Variants in KCTD8 observed in about 807,000 individuals in gnomAD.
The protein encoded by KCTD8 is potassium channel tetramerization domain containing 8.
Under a neutral mutation model 31.5 loss-of-function variants are expected in KCTD8, and 27 were observed. The observed-to-expected ratio is 0.86, with a 90% confidence interval of 0.63 to 1.18. KCTD8 has a LOEUF of 1.18. Among genes scored for constraint, KCTD8 ranks in the 50% most tolerant of loss-of-function variants. The probability of loss-of-function intolerance (pLI) is 0.00; values close to 1 mark genes in which losing one functional copy is unlikely to be tolerated. For missense variants in KCTD8, 658 were observed against 647.7 expected, an observed-to-expected ratio of 1.02 and a Z score of -0.17; for synonymous variants, 290 against 280.0, an observed-to-expected ratio of 1.04 and a Z score of -0.36.
At chr4:44,276,726 C>T (rs1716760854) in intron 1 of KCTD8, among the ~76,000 whole-genome samples, 1 of 151,900 alleles carries the variant, frequency 6.6e-6, no homozygotes, top group South Asian at 2.1e-4. Flanking sequence ...CAAATTTTAT[C>T]TCATACATTA....
chr4:44,350,622 G>A (rs1377427576), intron 1 of KCTD8, among the ~76,000 whole-genome samples: 1 of 151,948 alleles, frequency 6.6e-6, no homozygotes, highest in Admixed American at 6.6e-5. Flanking sequence ...ATGTTCTAAG[G>A]ATATCTTTTT....
chr4:44,314,870 G>T (rs1322100806), intron 1 of KCTD8, among the ~76,000 whole-genome samples: 1 of 139,880 alleles, frequency 7.1e-6, no homozygotes, highest in Non-Finnish European at 1.5e-5. Flanking sequence ...ATAATTCAAA[G>T]ACATTGTGAA....
intron 1 of KCTD8, among the ~76,000 whole-genome samples, chr4:44,376,532 G>T (rs930262578): frequency 6.6e-6 from 1 of 152,106 alleles, no homozygotes; most frequent in African/African-American, 2.4e-5. Flanking sequence ...TACTGTTGAT[G>T]TTTTCTACTG....
At chr4:44,410,738 G>C (rs1433027583) in intron 1 of KCTD8, among the ~76,000 whole-genome samples, 2 of 152,052 alleles carry the variant, frequency 1.3e-5, no homozygotes, top group Non-Finnish European at 2.9e-5. Context: ...ATAACTATCA[G>C]CTCTTGTGAG....
intron 1 of KCTD8, among the ~76,000 whole-genome samples, chr4:44,396,639 GA>G (rs575452723): frequency 1.3e-5 from 2 of 151,772 alleles, no homozygotes; most frequent in Admixed American, 1.3e-4. Context: ...TAACATCTAA[GA>G]AAAAAATCAG....
At chr4:44,198,426 C>A (rs1390975565) in intron 1 of KCTD8, among the ~76,000 whole-genome samples, 2 of 152,014 alleles carry the variant, frequency 1.3e-5, no homozygotes, top group African/African-American at 4.8e-5. Flanking sequence ...GGGTTACTTA[C>A]AAAGGGAAAC....
At chr4:44,270,997 G>A (rs954801127) in intron 1 of KCTD8, among the ~76,000 whole-genome samples, 1 of 151,788 alleles carries the variant, frequency 6.6e-6, no homozygotes, top group Non-Finnish European at 1.5e-5. Context: ...TTGACTACAT[G>A]GATTATTAAA....
chr4:44,255,214 C>A (rs934326052), intron 1 of KCTD8, among the ~76,000 whole-genome samples: 5 of 151,848 alleles, frequency 3.3e-5, no homozygotes, highest in African/African-American at 1.2e-4. Flanking sequence ...TCCAATATCT[C>A]AACTTAAGCA....
chr4:44,294,376 C>T (rs116659726), intron 1 of KCTD8, among the ~76,000 whole-genome samples: 1,960 of 152,200 alleles, frequency 0.013, 48 homozygotes, highest in African/African-American at 0.045. Context: ...ACATTCTGCC[C>T]AAAGATTTCA....
intron 1 of KCTD8, among the ~76,000 whole-genome samples, chr4:44,316,139 T>C (rs931893875): frequency 6.6e-6 from 1 of 152,116 alleles, no homozygotes; most frequent in African/African-American, 2.4e-5. Context: ...TCTGTCAAAT[T>C]TCCTTGATTT....
At chr4:44,397,989 T>C (rs969149486) in intron 1 of KCTD8, among the ~76,000 whole-genome samples, 4 of 152,196 alleles carry the variant, frequency 2.6e-5, no homozygotes, top group Non-Finnish European at 5.9e-5. Context: ...ACATCCTTTA[T>C]TGTTTAATGC....
chr4:44,416,919 A>G (rs1231015648), intron 1 of KCTD8, among the ~76,000 whole-genome samples: 2 of 152,226 alleles, frequency 1.3e-5, no homozygotes, highest in East Asian at 3.8e-4. Context: ...CTGTAACAAT[A>G]GAAAGATAAT....
chr4:44,319,931 G>C (rs1461129938), intron 1 of KCTD8, among the ~76,000 whole-genome samples: 1 of 151,912 alleles, frequency 6.6e-6, no homozygotes, highest in African/African-American at 2.4e-5. Context: ...CAGCACGTTG[G>C]GAGGCCAAGG....
intron 1 of KCTD8, among the ~76,000 whole-genome samples, chr4:44,211,657 T>C (rs1345799228): frequency 2.0e-5 from 3 of 152,148 alleles, no homozygotes; most frequent in African/African-American, 4.8e-5. Flanking sequence ...GGTCGACATA[T>C]ACAAGAATTC....
intron 1 of KCTD8, among the ~76,000 whole-genome samples, chr4:44,312,235 G>T (rs912414635): frequency 6.6e-6 from 1 of 151,620 alleles, no homozygotes; most frequent in Non-Finnish European, 1.5e-5. Flanking sequence ...ATTTCTCAAA[G>T]CACATTTAGG....
At chr4:44,232,956 T>C (rs1054463927) in intron 1 of KCTD8, among the ~76,000 whole-genome samples, 1 of 152,052 alleles carries the variant, frequency 6.6e-6, no homozygotes, top group Non-Finnish European at 1.5e-5. Flanking sequence ...TGGAAAAAGA[T>C]GCAAGAAACT....
intron 1 of KCTD8, among the ~76,000 whole-genome samples, chr4:44,376,202 G>A (rs1719913109): frequency 1.3e-5 from 2 of 152,160 alleles, no homozygotes; most frequent in African/African-American, 4.8e-5. Flanking sequence ...GCACACCAGA[G>A]TCAGGCCCTC....
chr4:44,378,551 G>A (rs1189527719), intron 1 of KCTD8, among the ~76,000 whole-genome samples: 1 of 152,010 alleles, frequency 6.6e-6, no homozygotes, highest in East Asian at 1.9e-4. Flanking sequence ...TATTATGGTG[G>A]AATGATTCTA....
chr4:44,294,410 T>C (rs1717371283), intron 1 of KCTD8, among the ~76,000 whole-genome samples: 1 of 152,220 alleles, frequency 6.6e-6, no homozygotes, highest in Admixed American at 6.5e-5. Flanking sequence ...GATTTTCTCA[T>C]TGTAATGGAA....
Sources: gnomAD v4.1 joint callset for allele counts (sites outside exome capture counted in the v4.1 genomes callset) on GRCh38, gnomAD v4.1.1 for gene constraint, MANE v1.5 for transcripts, NCBI Gene and HGNC (gene_info 2026-07-23, HGNC 2026-07-21) for gene names.